WDR70: variants seen among roughly 807,000 people sequenced by gnomAD.
The protein encoded by WDR70 is WD repeat domain 70, also known as WD repeat-containing protein 70.
In WDR70, 53 loss-of-function variants were observed where a neutral mutation model predicts 88.6. That is an observed-to-expected ratio of 0.60 (90% confidence interval 0.48 to 0.75). The LOEUF is 0.75. WDR70 is among the 30% of genes least tolerant of loss of function. WDR70 has a pLI of 0.00. For synonymous variants in WDR70, 280 were observed against 270.0 expected, an observed-to-expected ratio of 1.04 and a Z score of -0.36; for missense variants, 610 against 823.2, an observed-to-expected ratio of 0.74 and a Z score of 3.17.
intron 7 of WDR70, among the ~76,000 whole-genome samples, chr5:37,449,573 C>T (rs1738598192): frequency 2.9e-5 from 4 of 137,774 alleles, no homozygotes; most frequent in Admixed American, 1.6e-4. Context: ...GCCTGGGCAA[C>T]GAGTGAAATT....
chr5:37,671,676 G>A (rs1235576144), intron 10 of WDR70, among the ~76,000 whole-genome samples: 1 of 152,124 alleles, frequency 6.6e-6, no homozygotes, highest in Non-Finnish European at 1.5e-5. Flanking sequence ...CCATTTTGAA[G>A]ACTGTCTTTC....
intron 9 of WDR70, among the ~76,000 whole-genome samples, chr5:37,526,137 G>T (rs1343764922): frequency 6.6e-6 from 1 of 152,130 alleles, no homozygotes; most frequent in Non-Finnish European, 1.5e-5. Context: ...ATTTTATGAG[G>T]CCAGCATCAT....
At chr5:37,579,276 A>G (rs1743149973) in intron 9 of WDR70, among the ~76,000 whole-genome samples, 1 of 152,218 alleles carries the variant, frequency 6.6e-6, no homozygotes, top group Non-Finnish European at 1.5e-5. Flanking sequence ...AGAGTAGTGA[A>G]AAGGAAAAAG....
chr5:37,574,098 C>T (rs1364950125), intron 9 of WDR70, among the ~76,000 whole-genome samples: 2 of 152,126 alleles, frequency 1.3e-5, no homozygotes, highest in Non-Finnish European at 2.9e-5. Flanking sequence ...GGGGTGGAAG[C>T]AGGATTGGGT....
chr5:37,732,643 T>G lies in WDR70; in HGVS notation c.1877+5598T>G, dbSNP rs557701309. ...GCTAAAAGGAGCTTTCTTAAAGCCC[T>G]TAAAACCCTGTTTCTTGTGAACTAT... is the stretch of plus-strand genomic sequence containing the variant. On this transcript the variant is annotated intron_variant, in intron 17 of 17. Transcript: ENST00000265107. Among the ~76,000 whole-genome samples the G allele has an allele frequency of 1.8e-4, 27 of 152,242 alleles. No individual in the cohort carries two copies. The East Asian group carries it at 4.8e-3, about 27-fold the overall frequency.
chr5:37,481,915 C>G (rs928241675), intron 8 of WDR70, among the ~76,000 whole-genome samples: 1 of 152,062 alleles, frequency 6.6e-6, no homozygotes, highest in African/African-American at 2.4e-5. Flanking sequence ...CTAGGGAACT[C>G]TAGAAAAAAA....
At position 37,443,269 on chromosome 5, in the gene WDR70, G is replaced by C. The variant is rs773200440; in HGVS notation, c.583G>C (p.Ala195Pro). The C allele has an allele frequency of 6.2e-7, 1 of 1,613,296 alleles. No individual in the cohort carries two copies. ...VSALGLDPSG[A>P]RLVTGGYDYD... is the part of the protein sequence containing the mutation. ...TGCTTTGGGTCTGGATCCCTCAGGT[G>C]CCCGTTTGGTGACAGGAGGATATGA... Residue 195 changes from alanine to proline, a missense_variant, in exon 7 of 18, where the codon GCC (alanine) becomes CCC (proline). By Grantham distance (27) the Ala-to-Pro change is conservative (BLOSUM62 -1). Coordinates refer to ENST00000265107, the MANE Select transcript of WDR70 (RefSeq NM_018034.4).
intron 9 of WDR70, among the ~76,000 whole-genome samples, chr5:37,562,145 G>A (rs1372604403): frequency 1.3e-5 from 2 of 152,152 alleles, no homozygotes; most frequent in Non-Finnish European, 2.9e-5. Flanking sequence ...ATCACTTGAG[G>A]CCAGGTGTTC....
intron 10 of WDR70, among the ~76,000 whole-genome samples, chr5:37,661,659 CAT>C (rs1283352716): frequency 6.6e-6 from 1 of 152,092 alleles, no homozygotes; most frequent in Non-Finnish European, 1.5e-5. Context: ...GAGATAGAAT[CAT>C]AGAGGATGGA....
chr5:37,516,073 G>T (rs1740877051), intron 8 of WDR70, among the ~76,000 whole-genome samples: 1 of 152,136 alleles, frequency 6.6e-6, no homozygotes, highest in African/African-American at 2.4e-5. Context: ...TAGGAAATAT[G>T]GATTTCCCTT....
intron 10 of WDR70, among the ~76,000 whole-genome samples, chr5:37,686,428 G>C (rs1249065877): frequency 6.6e-6 from 1 of 151,868 alleles, no homozygotes; most frequent in Non-Finnish European, 1.5e-5. Flanking sequence ...AGACAACCAG[G>C]ACCCATGAGT....
intron 9 of WDR70, among the ~76,000 whole-genome samples, chr5:37,557,343 A>G (rs1285733877): frequency 6.6e-6 from 1 of 152,200 alleles, no homozygotes; most frequent in East Asian, 1.9e-4. Context: ...GGAACCCTGA[A>G]TAGATCAACC....
intron 13 of WDR70, among the ~76,000 whole-genome samples, chr5:37,715,337 C>CAAA (rs138965709): frequency 8.9e-6 from 1 of 112,992 alleles, no homozygotes; most frequent in African/African-American, 3.7e-5. Context: ...AGATTTCTGG[C>CAAA]AAAAAAAAAA....
At chr5:37,671,875 G>T (rs764659742) in intron 10 of WDR70, among the ~76,000 whole-genome samples, 19 of 152,118 alleles carry the variant, frequency 1.2e-4, no homozygotes, top group African/African-American at 4.3e-4. Flanking sequence ...TACTTTGCTG[G>T]TTTTTTGGGG....
intron 10 of WDR70, among the ~76,000 whole-genome samples, chr5:37,606,919 T>A (rs1175940012): frequency 8.3e-5 from 2 of 24,034 alleles, no homozygotes; most frequent in Non-Finnish European, 1.5e-4. Context: ...TCCCCTCCCC[T>A]CCCATCCCCT....
chr5:37,431,037 A>C (rs1344838292), intron 5 of WDR70, among the ~76,000 whole-genome samples: 1 of 152,046 alleles, frequency 6.6e-6, no homozygotes, highest in Non-Finnish European at 1.5e-5. Context: ...TATTTTTACT[A>C]GTGATGGGGT....
At chr5:37,534,477 C>A (rs904495709) in intron 9 of WDR70, among the ~76,000 whole-genome samples, 5 of 150,780 alleles carry the variant, frequency 3.3e-5, no homozygotes, top group African/African-American at 1.2e-4. Context: ...TCAGTTTTTC[C>A]CCCCATACTG....
At chr5:37,485,701 A>G (rs1156746133) in intron 8 of WDR70, among the ~76,000 whole-genome samples, 2 of 151,576 alleles carry the variant, frequency 1.3e-5, no homozygotes, top group Non-Finnish European at 2.9e-5. Context: ...TATTATTATT[A>G]TTATTTTTGA....
At chr5:37,505,723 G>A (rs1410494627) in intron 8 of WDR70, 4 of 1,191,850 alleles carry the variant, frequency 3.4e-6, no homozygotes, top group Non-Finnish European at 5.0e-6. Flanking sequence ...AGTGGTGTCA[G>A]CATCTCTTCA....
Sources: gnomAD v4.1 joint callset for allele counts (sites outside exome capture counted in the v4.1 genomes callset) on GRCh38, gnomAD v4.1.1 for gene constraint, MANE v1.5 for transcripts, NCBI Gene and HGNC (gene_info 2026-07-23, HGNC 2026-07-21) for gene names.